ADK: variants seen among roughly 807,000 people sequenced by gnomAD.
The protein encoded by ADK is N6,N6-dimethyladenosine kinase.
Under a neutral mutation model 44.7 loss-of-function variants are expected in ADK, and 24 were observed. The ratio of observed to expected loss-of-function variants is 0.54; its 90% CI spans 0.39 to 0.76. The LOEUF (loss-of-function observed/expected upper bound fraction) is 0.76, where lower values mean the gene tolerates loss of function less well. ADK is among the 30% of genes least tolerant of loss of function. ADK has a pLI of 0.00. For missense variants in ADK, 321 were observed against 425.1 expected (o/e 0.76, Z 2.15); for synonymous variants, 128 against 142.6 (o/e 0.90, Z 0.73).
intron 6 of ADK, among the ~76,000 whole-genome samples, chr10:74,426,516 T>A (rs567998891): frequency 6.6e-6 from 1 of 152,216 alleles, no homozygotes; most frequent in African/African-American, 2.4e-5. Flanking sequence ...GTGCTACTTG[T>A]CATACAAGAA....
rs796983917 is a variant in ADK, at chr10:74,438,391, AT to A, written c.555+39826del. 2.5e-3 allele frequency among the ~76,000 whole-genome samples: 324 copies of A among 127,902 alleles called. 2 individuals carry two copies. The highest frequency in any genetic ancestry group is 3.4e-3 in the African/African-American group (131 of 39,038). The allele number at this position is 127,902 out of a possible 152,430, so 83.9% of individuals were successfully genotyped here. A position where few individuals can be genotyped will look rare whatever the true frequency, so the allele number is the denominator to read the frequency against. On this transcript the variant is annotated intron_variant, in intron 6 of 10. Coordinates refer to ENST00000539909, the MANE Select transcript of ADK (RefSeq NM_006721.4). ...AGGTGCCTGTCACCACATCCGGCTA[AT>A]TTTTTTTTTTTTTATCTTTAGTAGA...
chr10:74,206,570 A>G (rs1177091291), intron 2 of ADK, among the ~76,000 whole-genome samples: 1 of 152,176 alleles, frequency 6.6e-6, no homozygotes, highest in Non-Finnish European at 1.5e-5. Flanking sequence ...CCAGCCTGTC[A>G]CCTGTTTTAG....
intron 7 of ADK, among the ~76,000 whole-genome samples, chr10:74,559,131 GTGT>G (rs1015000218): frequency 1.4e-4 from 22 of 152,206 alleles, no homozygotes; most frequent in Admixed American, 3.9e-4. Context: ...CTGGAAGCTG[GTGT>G]TGTGGGGGCC....
intron 4 of ADK, among the ~76,000 whole-genome samples, chr10:74,355,868 T>C (rs572314882): frequency 6.6e-6 from 1 of 152,278 alleles, no homozygotes; most frequent in Non-Finnish European, 1.5e-5. Context: ...TACTTATCCA[T>C]GTTATTTATA....
chr10:74,257,779 T>G (rs1317371643), intron 3 of ADK, among the ~76,000 whole-genome samples: 2 of 152,166 alleles, frequency 1.3e-5, no homozygotes, highest in African/African-American at 4.8e-5. Flanking sequence ...TAGAAAAAAA[T>G]GCAGTGTAAC....
chr10:74,213,590 A>C lies in ADK; in HGVS notation c.141-10948A>C, dbSNP rs1320868122. Among the ~76,000 whole-genome samples the C allele has an allele frequency of 1.6e-4, 25 of 152,360 alleles. No individual in the cohort carries two copies. The East Asian group carries it at 4.6e-3, about 28-fold the overall frequency. ...AAGCTAGAACATTTAATAGATGGATAGATAAAGAATGAGTATAGAATGAGA... is the reference window on the plus strand; with the variant it reads ...AAGCTAGAACATTTAATAGATGGATCGATAAAGAATGAGTATAGAATGAGA... On this transcript the variant is annotated intron_variant, in intron 2 of 10. Coordinates refer to ENST00000539909, the MANE Select transcript of ADK (RefSeq NM_006721.4).
chr10:74,291,046 T>G (rs150850468), intron 3 of ADK, among the ~76,000 whole-genome samples: 93 of 152,336 alleles, frequency 6.1e-4, no homozygotes, highest in Admixed American at 1.1e-3. Context: ...TTTTGTAATA[T>G]ATTTTATTGC....
intron 9 of ADK, among the ~76,000 whole-genome samples, chr10:74,605,622 G>T (rs1451342129): frequency 6.6e-6 from 1 of 152,106 alleles, no homozygotes; most frequent in Non-Finnish European, 1.5e-5. Context: ...TAAGCTTTTT[G>T]ATGTGCTTCT....
At chr10:74,619,012 T>TGTG (rs1852879482) in intron 9 of ADK, among the ~76,000 whole-genome samples, 1 of 139,382 alleles carries the variant, frequency 7.2e-6, no homozygotes, top group African/African-American at 2.7e-5. Context: ...TTTATGCTCT[T>TGTG]TGTGTGTGTG....
chr10:74,259,456 CTTTTTT>C (rs66533506), intron 3 of ADK, among the ~76,000 whole-genome samples: 1 of 106,220 alleles, frequency 9.4e-6, no homozygotes, highest in Non-Finnish European at 1.9e-5. Flanking sequence ...TTTTCTTTTC[CTTTTTT>C]TTTTTTTTTT....
At chr10:74,668,355 C>T (rs1855046023) in intron 9 of ADK, among the ~76,000 whole-genome samples, 1 of 151,970 alleles carries the variant, frequency 6.6e-6, no homozygotes, top group Admixed American at 6.6e-5. Context: ...AAATGTAATT[C>T]TGGATATTTG....
intron 3 of ADK, among the ~76,000 whole-genome samples, chr10:74,267,989 T>C (rs1846281165): frequency 1.3e-5 from 2 of 152,048 alleles, no homozygotes; most frequent in Admixed American, 6.6e-5. Context: ...AAAGAATGGT[T>C]GTAAAATTGC....
At chr10:74,519,021 T>A (rs1205325985) in intron 6 of ADK, among the ~76,000 whole-genome samples, 1 of 151,898 alleles carries the variant, frequency 6.6e-6, no homozygotes, top group Non-Finnish European at 1.5e-5. Context: ...AATTTAAAAT[T>A]TTCCAGGACC....
At chr10:74,574,327 C>T (rs373746859) in intron 7 of ADK, among the ~76,000 whole-genome samples, 9 of 151,990 alleles carry the variant, frequency 5.9e-5, no homozygotes, top group East Asian at 1.9e-4. Flanking sequence ...CATGCCACCA[C>T]GCCCTGTTAA....
chr10:74,466,620 C>G (rs577435113), intron 6 of ADK, among the ~76,000 whole-genome samples: 3 of 152,256 alleles, frequency 2.0e-5, no homozygotes, highest in Admixed American at 6.5e-5. Flanking sequence ...AATGGAAAAA[C>G]AGCAGAAAAT....
chr10:74,483,467 T>C (rs1847147801), intron 6 of ADK, among the ~76,000 whole-genome samples: 1 of 152,222 alleles, frequency 6.6e-6, no homozygotes, highest in South Asian at 2.1e-4. Flanking sequence ...CTGTCTCGGC[T>C]ATTAACATTT....
At chr10:74,551,914 C>T (rs1436253460) in intron 7 of ADK, among the ~76,000 whole-genome samples, 1 of 152,124 alleles carries the variant, frequency 6.6e-6, no homozygotes, top group Non-Finnish European at 1.5e-5. Flanking sequence ...ATAACCTATG[C>T]ATATACTCCC....
intron 10 of ADK, among the ~76,000 whole-genome samples, chr10:74,685,177 C>T (rs1855743855): frequency 6.6e-6 from 1 of 151,992 alleles, no homozygotes; most frequent in Non-Finnish European, 1.5e-5. Flanking sequence ...ATAAGTTTGA[C>T]CTTCTCTCAT....
At chr10:74,455,985 GT>G (rs1845931130) in intron 6 of ADK, among the ~76,000 whole-genome samples, 1 of 151,966 alleles carries the variant, frequency 6.6e-6, no homozygotes, top group East Asian at 1.9e-4. Flanking sequence ...GTGTCTGGGG[GT>G]TGTTCTTCTC....
Sources: gnomAD v4.1 joint callset for allele counts (sites outside exome capture counted in the v4.1 genomes callset) on GRCh38, gnomAD v4.1.1 for gene constraint, MANE v1.5 for transcripts, NCBI Gene and HGNC (gene_info 2026-07-23, HGNC 2026-07-21) for gene names.